BRINP3: variants seen among roughly 807,000 people sequenced by gnomAD.
The protein encoded by BRINP3 is BMP/retinoic acid inducible neural specific 3.
A neutral mutation model predicts 71.0 loss-of-function variants in BRINP3; 19 were observed. The observed-to-expected ratio is 0.27, with a 90% CI of 0.19 to 0.39. The LOEUF is 0.39. Among genes scored for constraint, BRINP3 ranks in the 10% least tolerant of loss-of-function variants. The pLI is 1.00. For synonymous variants in BRINP3, 380 were observed against 337.7 expected, an observed-to-expected ratio of 1.13 and a Z score of -1.37; for missense variants, 959 against 940.8, an observed-to-expected ratio of 1.02 and a Z score of -0.25.
At chr1:190,463,453 A>T (rs941307822) in intron 1 of BRINP3, among the ~76,000 whole-genome samples, 1 of 151,782 alleles carries the variant, frequency 6.6e-6, no homozygotes, top group Non-Finnish European at 1.5e-5. Context: ...AGGAAAAATT[A>T]TAACATCATT....
chr1:190,237,577 G>T lies in BRINP3; in HGVS notation c.619-3100C>A, dbSNP rs146907823. Among the ~76,000 whole-genome samples the T allele has an allele frequency of 2.3e-3, 354 of 151,952 alleles. 1 individual carries two copies. Among genetic ancestry groups the T allele is most frequent in the Non-Finnish European group, 4.3e-3 (290 of 67,840 alleles). ...AAAATACTTTGCCAGAGGAGCAATTGCCATTTTTTCTACTTTTATATGTTT... is the reference window on the plus strand; with the variant it reads ...AAAATACTTTGCCAGAGGAGCAATTTCCATTTTTTCTACTTTTATATGTTT... On this transcript the variant is annotated intron_variant, in intron 4 of 7. Transcript: ENST00000367462.
At chr1:190,344,518 T>C (rs1249359489) in intron 2 of BRINP3, among the ~76,000 whole-genome samples, 1 of 151,886 alleles carries the variant, frequency 6.6e-6, no homozygotes, top group Admixed American at 6.6e-5. Context: ...GTTCACAATT[T>C]TCTACTCAGT....
chr1:190,185,670 G>GA (rs1237207395), intron 6 of BRINP3, among the ~76,000 whole-genome samples: 2 of 152,002 alleles, frequency 1.3e-5, no homozygotes, highest in African/African-American at 4.8e-5. Flanking sequence ...TTTCTATCTT[G>GA]AATGTATATA....
chr1:190,339,768 T>C (rs1271355394), intron 2 of BRINP3, among the ~76,000 whole-genome samples: 1 of 151,994 alleles, frequency 6.6e-6, no homozygotes, highest in Non-Finnish European at 1.5e-5. Flanking sequence ...CGTATGGGTG[T>C]GTTTTGAGTT....
At chr1:190,218,893 A>T (rs1013720054) in intron 6 of BRINP3, among the ~76,000 whole-genome samples, 1 of 152,050 alleles carries the variant, frequency 6.6e-6, no homozygotes, top group African/African-American at 2.4e-5. Context: ...GTTATTTCCA[A>T]CAACAACAAC....
intron 6 of BRINP3, 60 bp downstream of exon 6, chr1:190,226,022 G>T: frequency 9.1e-7 from 1 of 1,095,186 alleles, no homozygotes. Context: ...GGACAAATTA[G>T]CCATTTCAAT....
intron 2 of BRINP3, among the ~76,000 whole-genome samples, chr1:190,329,042 C>T (rs1045392156): frequency 2.0e-5 from 3 of 151,946 alleles, no homozygotes; most frequent in African/African-American, 7.2e-5. Flanking sequence ...AAGAGCCATA[C>T]GTGACAAACC....
chr1:190,292,737 G>C (rs536826912), intron 2 of BRINP3, among the ~76,000 whole-genome samples: 2 of 152,028 alleles, frequency 1.3e-5, no homozygotes, highest in African/African-American at 4.8e-5. Context: ...CTCACTATTG[G>C]TTTATTCAGG....
chr1:190,328,731 A>G (rs1362003862), intron 2 of BRINP3, among the ~76,000 whole-genome samples: 1 of 151,832 alleles, frequency 6.6e-6, no homozygotes, highest in Non-Finnish European at 1.5e-5. Flanking sequence ...GAAAAAAAAA[A>G]AAAAAATACA....
At chr1:190,360,161 A>G (rs889061492) in intron 2 of BRINP3, among the ~76,000 whole-genome samples, 1 of 152,168 alleles carries the variant, frequency 6.6e-6, no homozygotes, top group Non-Finnish European at 1.5e-5. Flanking sequence ...CATCTTCAAC[A>G]GATACAAAGT....
intron 2 of BRINP3, among the ~76,000 whole-genome samples, chr1:190,405,512 A>C (rs1558257060): frequency 7.4e-6 from 1 of 135,768 alleles, no homozygotes; most frequent in African/African-American, 2.6e-5. Context: ...GAAGCGTGAC[A>C]TATCATTTTG....
chr1:190,218,503 T>C (rs1656598753), intron 6 of BRINP3, among the ~76,000 whole-genome samples: 1 of 152,124 alleles, frequency 6.6e-6, no homozygotes, highest in South Asian at 2.1e-4. Context: ...TGTTATTATA[T>C]ATGTATATAA....
At chr1:190,264,336 T>C (rs1661464090) in intron 4 of BRINP3, among the ~76,000 whole-genome samples, 1 of 152,222 alleles carries the variant, frequency 6.6e-6, no homozygotes, top group Non-Finnish European at 1.5e-5. Flanking sequence ...TTCTAGATTA[T>C]GTTATATTTT....
At chr1:190,449,944 G>A (rs945856772) in intron 2 of BRINP3, among the ~76,000 whole-genome samples, 1 of 152,068 alleles carries the variant, frequency 6.6e-6, no homozygotes, top group African/African-American at 2.4e-5. Context: ...TTCCAGAGTT[G>A]CCAAATGTAG....
intron 2 of BRINP3, among the ~76,000 whole-genome samples, chr1:190,303,097 T>C (rs1417797824): frequency 1.3e-5 from 2 of 151,778 alleles, no homozygotes; most frequent in Non-Finnish European, 1.5e-5. Context: ...TATAATTAGA[T>C]AACATATTTT....
rs376124518 is a variant in BRINP3, at chr1:190,099,139, A to G, written c.1185-5T>C. On this transcript the variant is annotated splice_polypyrimidine_tract_variant and splice_region_variant and intron_variant, in intron 7 of 7. Transcript: ENST00000367462. The stretch of plus-strand genomic sequence containing the variant: ...GTAAGCCAGTAGGTTGAGGTTCTAG[A>G]AATACAAAACAGAACGAATCTACAT... The G allele has an allele frequency of 4.0e-5, 64 of 1,611,476 alleles. No homozygotes were observed. The African/African-American group carries it at 8.0e-4, about 20-fold the overall frequency.
intron 2 of BRINP3, among the ~76,000 whole-genome samples, chr1:190,341,507 C>T (rs1411973536): frequency 2.0e-5 from 3 of 151,678 alleles, no homozygotes; most frequent in African/African-American, 7.3e-5. Flanking sequence ...AGTAATGCCA[C>T]CCATTTTGTA....
At chr1:190,187,187 T>G (rs1348508241) in intron 6 of BRINP3, among the ~76,000 whole-genome samples, 1 of 152,062 alleles carries the variant, frequency 6.6e-6, no homozygotes, top group African/African-American at 2.4e-5. Context: ...TTGAGAAATG[T>G]TCATTTAGGT....
intron 7 of BRINP3, among the ~76,000 whole-genome samples, chr1:190,103,054 A>C (rs1206697550): frequency 2.0e-5 from 3 of 152,062 alleles, no homozygotes; most frequent in Non-Finnish European, 4.4e-5. Flanking sequence ...TCTCCACAGG[A>C]TACACATTAT....
Sources: allele counts gnomAD v4.1 joint callset (sites outside exome capture counted in the v4.1 genomes callset), GRCh38; gene constraint gnomAD v4.1.1; transcripts MANE v1.5; gene names NCBI Gene and HGNC (gene_info 2026-07-23, HGNC 2026-07-21).